Variants in GRID2 observed in about 807,000 individuals in gnomAD.
The protein encoded by GRID2 is glutamate ionotropic receptor delta type subunit 2, also known as glutamate receptor ionotropic, delta-2.
GRID2 carries 33 observed loss-of-function variants against 114.8 expected under a neutral mutation model. The ratio of observed to expected loss-of-function variants is 0.29; its 90% CI spans 0.22 to 0.38. The LOEUF is 0.38. Among genes scored for constraint, GRID2 ranks in the 10% least tolerant of loss-of-function variants. GRID2 has a pLI of 1.00. For missense variants in GRID2, 1,184 were observed against 1,257.7 expected (o/e 0.94, Z 0.89); for synonymous variants, 505 against 449.9 (o/e 1.12, Z -1.55).
chr4:92,536,859 T>A (rs1036268785), intron 1 of GRID2, among the ~76,000 whole-genome samples: 9 of 152,142 alleles, frequency 5.9e-5, no homozygotes, highest in Non-Finnish European at 1.0e-4. Context: ...CTGAAAAAAA[T>A]GTTTCTTTTC....
intron 1 of GRID2, among the ~76,000 whole-genome samples, chr4:92,358,877 A>G (rs1405381895): frequency 1.3e-5 from 2 of 151,962 alleles, no homozygotes; most frequent in Non-Finnish European, 1.5e-5. Context: ...TCATATATGT[A>G]TGCTGTATTC....
chr4:93,734,487 A>G (rs1466008580), intron 14 of GRID2, among the ~76,000 whole-genome samples: 1 of 152,066 alleles, frequency 6.6e-6, no homozygotes, highest in Non-Finnish European at 1.5e-5. Context: ...TTCATAACAT[A>G]CATAAAATCA....
At chr4:93,331,617 G>T (rs1265182172) in intron 8 of GRID2, among the ~76,000 whole-genome samples, 1 of 152,012 alleles carries the variant, frequency 6.6e-6, no homozygotes. Context: ...TAGAAGAGTG[G>T]CTAGCAATAG....
chr4:93,093,431 A>T (rs1044335206), intron 3 of GRID2, among the ~76,000 whole-genome samples: 2 of 152,024 alleles, frequency 1.3e-5, no homozygotes, highest in Non-Finnish European at 2.9e-5. Flanking sequence ...CAACATAGCG[A>T]TAGGGATCTC....
chr4:92,888,124 G>A (rs1746502001), intron 2 of GRID2, among the ~76,000 whole-genome samples: 1 of 152,136 alleles, frequency 6.6e-6, no homozygotes, highest in Non-Finnish European at 1.5e-5. Flanking sequence ...TGTTCAAAGA[G>A]AGAAGTTTAT....
At chr4:92,575,003 A>G (rs6851509) in intron 1 of GRID2, among the ~76,000 whole-genome samples, 62,301 of 151,902 alleles carry the variant, frequency 0.41, 12,942 homozygotes, top group African/African-American at 0.49. Context: ...ATATTTCCTG[A>G]AGGTTTTGTT....
At chr4:92,768,778 ATT>A (rs1361341388) in intron 2 of GRID2, among the ~76,000 whole-genome samples, 2 of 152,156 alleles carry the variant, frequency 1.3e-5, no homozygotes, top group Admixed American at 6.5e-5. Context: ...CATGAGATTC[ATT>A]CACTATCACA....
intron 1 of GRID2, among the ~76,000 whole-genome samples, chr4:92,459,840 G>GGT (rs1721392169): frequency 6.6e-6 from 1 of 150,928 alleles, no homozygotes; most frequent in Admixed American, 6.6e-5. Context: ...GTATGGGTGA[G>GGT]TCTCATCCAG....
intron 1 of GRID2, among the ~76,000 whole-genome samples, chr4:92,342,427 A>C (rs2110165265): frequency 6.6e-6 from 1 of 152,284 alleles, no homozygotes; most frequent in South Asian, 2.1e-4. Flanking sequence ...TTATTGAAGG[A>C]AAGGAGACTT....
At chr4:93,437,912 A>T (rs1268821373) in intron 10 of GRID2, among the ~76,000 whole-genome samples, 2 of 152,142 alleles carry the variant, frequency 1.3e-5, no homozygotes, top group Non-Finnish European at 2.9e-5. Context: ...TTACACATCT[A>T]TCTATATATA....
At position 93,064,072 on chromosome 4, in the gene GRID2, A is replaced by G. The variant is rs561726624; in HGVS notation, c.245-20923A>G. ...GTTAATGTTACATTTACATGTTACA[A>G]TGTTAATGGTATACACTATATAACA... is the stretch of plus-strand genomic sequence containing the variant. On this transcript the variant is annotated intron_variant, in intron 2 of 15. Transcript: ENST00000282020. Among the ~76,000 whole-genome samples the G allele has an allele frequency of 2.5e-4, 38 of 150,048 alleles. No homozygotes were observed. In the South Asian group the frequency reaches 7.5e-3, roughly 30 times the overall value.
chr4:93,150,720 C>G (rs988632020), intron 4 of GRID2, among the ~76,000 whole-genome samples: 5 of 152,066 alleles, frequency 3.3e-5, no homozygotes, highest in African/African-American at 1.2e-4. Flanking sequence ...TGAGAAATCC[C>G]TGCAAGTGGT....
intron 8 of GRID2, among the ~76,000 whole-genome samples, chr4:93,333,324 T>C (rs2149233197): frequency 6.6e-6 from 1 of 152,316 alleles, no homozygotes; most frequent in South Asian, 2.1e-4. Flanking sequence ...ATGTTGATGC[T>C]GCTGGTCTAT....
intron 9 of GRID2, among the ~76,000 whole-genome samples, chr4:93,404,744 A>G (rs1156888655): frequency 6.6e-6 from 1 of 152,086 alleles, no homozygotes; most frequent in African/African-American, 2.4e-5. Context: ...ATGATATTTA[A>G]ATTCATCTTG....
At chr4:92,846,197 A>G (rs1743310513) in intron 2 of GRID2, among the ~76,000 whole-genome samples, 3 of 152,084 alleles carry the variant, frequency 2.0e-5, no homozygotes, top group Non-Finnish European at 4.4e-5. Context: ...TTCAGGGGCT[A>G]CATATGCAGG....
In GRID2 at chr4:92,688,037, C is replaced by CCCTTTTTTTTTTTTTTT. The variant is rs1553916864; in HGVS notation, c.244+97751_244+97752insCCTTTTTTTTTTTTTTT. Among the ~76,000 whole-genome samples the CCCTTTTTTTTTTTTTTT allele has an allele frequency of 9.0e-5, 4 of 44,656 alleles. No individual in the cohort carries two copies. In the Admixed American group the frequency reaches 1.2e-3, roughly 14 times the overall value. The allele number at this position is 44,656 out of a possible 152,430, so 29.3% of individuals were successfully genotyped here. A position where few individuals can be genotyped will look rare whatever the true frequency, so the allele number is the denominator to read the frequency against. The stretch of plus-strand genomic sequence containing the variant: ...GCCACATTGGTTGACCCTTCTTCTT[C>CCCTTTTTTTTTTTTTTT]TTTTTTTTTTTTTTTTTTTTTTTTT... On this transcript the variant is annotated intron_variant, in intron 2 of 15. Coordinates refer to ENST00000282020, the MANE Select transcript of GRID2 (RefSeq NM_001510.4).
intron 1 of GRID2, among the ~76,000 whole-genome samples, chr4:92,442,773 G>C (rs1733182166): frequency 6.6e-6 from 1 of 152,068 alleles, no homozygotes; most frequent in African/African-American, 2.4e-5. Flanking sequence ...TTTTATATTT[G>C]ATGAAAAAGA....
chr4:93,564,491 A>C lies in GRID2; in HGVS notation c.2193+49080A>C, dbSNP rs149422167. ...AGATATTTGTCAAAAGTAGTATGAC[A>C]TTTGGCAAGGTAATTGACAGTAGCA... On this transcript the variant is annotated intron_variant, in intron 13 of 15. Transcript: ENST00000282020. Among the ~76,000 whole-genome samples, 962 of 152,136 alleles carry C rather than the reference A, an allele frequency of 6.3e-3. 7 individuals carry two copies. The highest frequency in any genetic ancestry group is 0.011 in the South Asian group (54 of 4,826).
chr4:93,756,873 T>TA (rs1401504650), intron 14 of GRID2, among the ~76,000 whole-genome samples: 6 of 152,222 alleles, frequency 3.9e-5, no homozygotes, highest in African/African-American at 1.4e-4. Context: ...ATACATATTT[T>TA]AAGATTCCTG....
Sources: gnomAD v4.1 joint callset for allele counts (sites outside exome capture counted in the v4.1 genomes callset) on GRCh38, gnomAD v4.1.1 for gene constraint, MANE v1.5 for transcripts, NCBI Gene and HGNC (gene_info 2026-07-23, HGNC 2026-07-21) for gene names.